The following EPC2 variants were observed in gnomAD, a reference collection of about 807,000 sequenced individuals.
The protein encoded by EPC2 is enhancer of polycomb 2, also known as enhancer of polycomb homolog 2.
EPC2 carries 14 observed loss-of-function variants against 92.1 expected under a neutral mutation model. That is an observed-to-expected ratio of 0.15 (90% CI 0.10 to 0.24). The LOEUF (loss-of-function observed/expected upper bound fraction) is 0.24. EPC2 is among the 10% of genes least tolerant of loss of function. The pLI is 1.00. For synonymous variants in EPC2, 340 were observed against 334.7 expected (o/e 1.02, Z -0.17); for missense variants, 755 against 971.5 (o/e 0.78, Z 2.96).
chr2:148,671,245 G>T (rs942727742), intron 1 of EPC2, among the ~76,000 whole-genome samples: 7 of 148,170 alleles, frequency 4.7e-5, no homozygotes, highest in African/African-American at 1.7e-4. Flanking sequence ...ATTACTTGCT[G>T]TAAAAATAAT....
chr2:148,742,226 G>A (rs1682892157), intron 2 of EPC2, among the ~76,000 whole-genome samples: 1 of 152,146 alleles, frequency 6.6e-6, no homozygotes, highest in African/African-American at 2.4e-5. Context: ...TATGTAAGAT[G>A]AATCCTAGAA....
At chr2:148,685,301 C>T (rs4972389) in intron 1 of EPC2, among the ~76,000 whole-genome samples, 21,208 of 151,778 alleles carry the variant, frequency 0.14, 2,431 homozygotes, top group East Asian at 0.46. Flanking sequence ...GAGTTCTCTG[C>T]TCTTACAGCT....
At chr2:148,706,311 G>C (rs959399412) in intron 2 of EPC2, among the ~76,000 whole-genome samples, 2 of 152,140 alleles carry the variant, frequency 1.3e-5, no homozygotes, top group Non-Finnish European at 2.9e-5. Flanking sequence ...AGAGTAAAAA[G>C]AAATGAATAA....
intron 13 of EPC2, among the ~76,000 whole-genome samples, chr2:148,785,226 T>G (rs564864062): frequency 2.0e-5 from 3 of 151,318 alleles, no homozygotes; most frequent in South Asian, 4.2e-4. Context: ...AAAGACAGAG[T>G]AGTAGTAGAG....
chr2:148,665,367 A>G (rs1002836118), intron 1 of EPC2, among the ~76,000 whole-genome samples: 1 of 152,036 alleles, frequency 6.6e-6, no homozygotes, highest in South Asian at 2.1e-4. Context: ...TACTGTTTGA[A>G]TTTTTTTTAC....
intron 2 of EPC2, among the ~76,000 whole-genome samples, chr2:148,742,928 T>C (rs1339455260): frequency 6.6e-6 from 1 of 152,198 alleles, no homozygotes; most frequent in East Asian, 1.9e-4. Context: ...ATTTATATAG[T>C]ACATCTTTTT....
At chr2:148,740,453 ATACT>A (rs777367386) in intron 2 of EPC2, among the ~76,000 whole-genome samples, 18 of 152,130 alleles carry the variant, frequency 1.2e-4, no homozygotes, top group Non-Finnish European at 2.5e-4. Flanking sequence ...GTAGTATAGA[ATACT>A]TAGACTGCTA....
chr2:148,698,176 G>C (rs1438979324), intron 2 of EPC2, among the ~76,000 whole-genome samples: 1 of 152,170 alleles, frequency 6.6e-6, no homozygotes, highest in Non-Finnish European at 1.5e-5. Context: ...AGATGATTTA[G>C]TATTAAAAGA....
At chr2:148,768,039 T>C (rs1270367750) in intron 7 of EPC2, among the ~76,000 whole-genome samples, 5 of 152,214 alleles carry the variant, frequency 3.3e-5, no homozygotes, top group African/African-American at 1.2e-4. Context: ...GGAGGTATAT[T>C]GGAACCTCAA....
chr2:148,740,700 A>G (rs1007504104), intron 2 of EPC2, among the ~76,000 whole-genome samples: 1 of 152,134 alleles, frequency 6.6e-6, no homozygotes, highest in Non-Finnish European at 1.5e-5. Context: ...CAAAATTTGT[A>G]TATATAGCCT....
intron 2 of EPC2, among the ~76,000 whole-genome samples, chr2:148,707,501 A>G (rs1280560461): frequency 6.6e-6 from 1 of 152,224 alleles, no homozygotes; most frequent in Non-Finnish European, 1.5e-5. Flanking sequence ...AGCAGACCTA[A>G]TAGACATCTA....
intron 2 of EPC2, among the ~76,000 whole-genome samples, chr2:148,719,044 A>G (rs1207085539): frequency 6.6e-6 from 1 of 151,872 alleles, no homozygotes; most frequent in Non-Finnish European, 1.5e-5. Context: ...ATTAATATTT[A>G]TGATTGCATT....
intron 2 of EPC2, among the ~76,000 whole-genome samples, chr2:148,719,578 C>T (rs1340957532): frequency 6.6e-6 from 1 of 152,216 alleles, no homozygotes; most frequent in Non-Finnish European, 1.5e-5. Flanking sequence ...GCCTGCAAAA[C>T]AGCAAAGATG....
chr2:148,776,861 T>C (rs999805297), intron 10 of EPC2, among the ~76,000 whole-genome samples: 74 of 138,480 alleles, frequency 5.3e-4, no homozygotes, highest in Middle Eastern at 7.2e-3. Context: ...TCTCTCTTTT[T>C]TTTTTTTTTT....
At chr2:148,647,774 A>G (rs533315537) in intron 1 of EPC2, among the ~76,000 whole-genome samples, 26 of 152,034 alleles carry the variant, frequency 1.7e-4, no homozygotes, top group African/African-American at 6.3e-4. Context: ...TTGGGACTAC[A>G]GGCACGTGCC....
At chr2:148,676,242 T>C (rs2105363581) in intron 1 of EPC2, among the ~76,000 whole-genome samples, 1 of 152,114 alleles carries the variant, frequency 6.6e-6, no homozygotes, top group South Asian at 2.1e-4. Context: ...TGCTCAAGCG[T>C]AATTATAGTA....
chr2:148,765,895 G>A (rs1367538465), intron 7 of EPC2, among the ~76,000 whole-genome samples: 1 of 152,112 alleles, frequency 6.6e-6, no homozygotes, highest in African/African-American at 2.4e-5. Context: ...AATCAGCCAG[G>A]TGTGGTGGCG....
intron 2 of EPC2, among the ~76,000 whole-genome samples, chr2:148,721,907 T>TTTTC (rs1553446825): frequency 6.9e-6 from 1 of 145,890 alleles, no homozygotes; most frequent in Non-Finnish European, 1.5e-5. Flanking sequence ...TTTTTTTTTT[T>TTTTC]CAGAATTCTC....
Position 148,771,061 on chromosome 2 carries a change from T to C in EPC2, c.1394T>C (p.Ile465Thr). ...GRGGRVIMDR[I>T]STEHDPVLKQ... ...CTTTTCAGGGTCATAATGGACCGAA[T>C]ATCCACAGAACATGACCCAGTCCTG... is the stretch of plus-strand genomic sequence containing the variant. Residue 465 changes from isoleucine to threonine, a missense_variant, in exon 10 of 14, where the codon ATA becomes ACA. By Grantham distance (89) the Ile-to-Thr change is moderately conservative. Coordinates refer to ENST00000258484, the MANE Select transcript of EPC2 (RefSeq NM_015630.4). The C allele has an allele frequency of 6.2e-7, 1 of 1,606,498 alleles. No individual in the cohort carries two copies. The highest frequency in any genetic ancestry group is 1.1e-5 in the South Asian group (1 of 89,654).
Sources: gnomAD v4.1 joint callset for allele counts (sites outside exome capture counted in the v4.1 genomes callset) on GRCh38, gnomAD v4.1.1 for gene constraint, MANE v1.5 for transcripts, NCBI Gene and HGNC (gene_info 2026-07-23, HGNC 2026-07-21) for gene names.